The following C10orf90 variants were observed in gnomAD, a reference collection of about 807,000 sequenced individuals.
C10orf90 encodes the protein chromosome 10 open reading frame 90.
Under a neutral mutation model 62.5 loss-of-function variants are expected in C10orf90, and 56 were observed. That is an observed-to-expected ratio of 0.90 (90% CI 0.72 to 1.12). The LOEUF is 1.12. Among genes scored for constraint, C10orf90 ranks in the 50% most tolerant of loss-of-function variants. C10orf90 has a pLI of 0.00. For missense variants in C10orf90, 970 were observed against 880.4 expected, an observed-to-expected ratio of 1.10 and a Z score of -1.29; for synonymous variants, 386 against 340.4, an observed-to-expected ratio of 1.13 and a Z score of -1.47.
Position 126,503,954 on chromosome 10 carries a change from C to A in C10orf90, c.1534+3G>T. On this transcript the variant is annotated splice_donor_region_variant and intron_variant, in intron 4 of 9. Transcript: ENST00000488181. ...CCCTCCTGCAGATGGACGCACCACT[C>A]ACCTGCCCTGTAACTCCAGCCAGGA... The A allele has an allele frequency of 6.2e-7, 1 of 1,607,010 alleles. No individual in the cohort carries two copies. The highest frequency in any genetic ancestry group is 8.5e-7 in the Non-Finnish European group (1 of 1,176,936).
intron 1 of C10orf90, among the ~76,000 whole-genome samples, chr10:126,653,616 C>T (rs568593379): frequency 1.3e-5 from 2 of 152,282 alleles, no homozygotes; most frequent in East Asian, 1.9e-4. Context: ...TCAAAGTCAT[C>T]CATGAGGGTT....
intron 2 of C10orf90, among the ~76,000 whole-genome samples, chr10:126,642,679 C>T (rs1277694157): frequency 6.6e-6 from 1 of 152,200 alleles, no homozygotes; most frequent in African/African-American, 2.4e-5. Flanking sequence ...CTCAGCCATT[C>T]TCATGGTTTC....
chr10:126,628,274 TAAA>T (rs2133825666), intron 2 of C10orf90, among the ~76,000 whole-genome samples: 1 of 152,326 alleles, frequency 6.6e-6, no homozygotes, highest in Admixed American at 6.5e-5. Flanking sequence ...ATAGTGAATT[TAAA>T]ATGCCAAGGC....
At chr10:126,625,444 T>C (rs951840300) in intron 2 of C10orf90, among the ~76,000 whole-genome samples, 1 of 152,186 alleles carries the variant, frequency 6.6e-6, no homozygotes, top group Non-Finnish European at 1.5e-5. Context: ...ATATAGCAGG[T>C]GTTTAGCATC....
chr10:126,448,339 G>T (rs1218083170), intron 7 of C10orf90, among the ~76,000 whole-genome samples: 1 of 151,852 alleles, frequency 6.6e-6, no homozygotes, highest in Non-Finnish European at 1.5e-5. Context: ...AAACAAAAAT[G>T]GAAACACAAT....
intron 4 of C10orf90, among the ~76,000 whole-genome samples, chr10:126,499,148 T>C (rs558128247): frequency 6.6e-6 from 1 of 152,352 alleles, no homozygotes; most frequent in African/African-American, 2.4e-5. Flanking sequence ...TATGCATTGT[T>C]GATGGCTGAT....
At chr10:126,473,479 T>C (rs895267576) in intron 4 of C10orf90, among the ~76,000 whole-genome samples, 1 of 152,138 alleles carries the variant, frequency 6.6e-6, no homozygotes, top group Non-Finnish European at 1.5e-5. Flanking sequence ...GAACAGGTCT[T>C]GAGAGGAGAT....
At chr10:126,600,940 A>G (rs562373927) in intron 2 of C10orf90, among the ~76,000 whole-genome samples, 1 of 152,342 alleles carries the variant, frequency 6.6e-6, no homozygotes, top group African/African-American at 2.4e-5. Context: ...AAACAGCCCA[A>G]ATGTCCATTG....
chr10:126,610,929 A>G (rs928131465), intron 2 of C10orf90, among the ~76,000 whole-genome samples: 1 of 151,704 alleles, frequency 6.6e-6, no homozygotes, highest in African/African-American at 2.4e-5. Flanking sequence ...TCTATATTCT[A>G]TTTTTCTTTC....
chr10:126,461,263 C>T (rs1859954522), intron 6 of C10orf90, 138 bp downstream of exon 6: 1 of 952,778 alleles, frequency 1.0e-6, no homozygotes, highest in South Asian at 1.7e-5. Flanking sequence ...CTTAGGGGAC[C>T]TGCCCAGTCA....
chr10:126,473,389 C>T (rs372476065), intron 4 of C10orf90, among the ~76,000 whole-genome samples: 506 of 152,278 alleles, frequency 3.3e-3, no homozygotes, highest in South Asian at 0.013. Flanking sequence ...TGGCAATGGT[C>T]CTAGCTAAAA....
intron 2 of C10orf90, among the ~76,000 whole-genome samples, chr10:126,644,878 C>A (rs533027317): frequency 6.6e-6 from 1 of 152,338 alleles, no homozygotes; most frequent in South Asian, 2.1e-4. Context: ...TGGGAGCCTG[C>A]CTTTGCTGTT....
chr10:126,501,969 C>CCACA (rs149596544), intron 4 of C10orf90, among the ~76,000 whole-genome samples: 5 of 150,022 alleles, frequency 3.3e-5, no homozygotes, highest in Admixed American at 2.0e-4. Context: ...CACATATACA[C>CCACA]CACACACACA....
intron 4 of C10orf90, among the ~76,000 whole-genome samples, chr10:126,475,984 G>C (rs1302057204): frequency 6.6e-6 from 1 of 152,178 alleles, no homozygotes; most frequent in African/African-American, 2.4e-5. Context: ...GAAGCAGACA[G>C]GCTTACCTCG....
intron 2 of C10orf90, among the ~76,000 whole-genome samples, chr10:126,630,212 G>A (rs1488356370): frequency 6.6e-6 from 1 of 152,062 alleles, no homozygotes; most frequent in Non-Finnish European, 1.5e-5. Context: ...TGATGCCCTC[G>A]TACTTCACCA....
intron 1 of C10orf90, among the ~76,000 whole-genome samples, chr10:126,661,920 C>A (rs905866834): frequency 1.4e-4 from 21 of 151,984 alleles, no homozygotes; most frequent in Non-Finnish European, 2.1e-4. Context: ...TTTAATAGAT[C>A]ATTGCTTGCT....
intron 2 of C10orf90, among the ~76,000 whole-genome samples, chr10:126,593,391 A>G (rs940919217): frequency 6.6e-6 from 1 of 152,222 alleles, no homozygotes; most frequent in African/African-American, 2.4e-5. Context: ...TTGCAGGGAC[A>G]TGGATGGAGC....
At chr10:126,667,179 C>T (rs1168213885) in intron 1 of C10orf90, among the ~76,000 whole-genome samples, 5 of 151,708 alleles carry the variant, frequency 3.3e-5, no homozygotes, top group Non-Finnish European at 7.4e-5. Context: ...CTGCCTCAGC[C>T]TCCCGAGTAG....
intron 2 of C10orf90, among the ~76,000 whole-genome samples, chr10:126,577,420 AT>A (rs1345304061): frequency 2.6e-5 from 4 of 151,996 alleles, no homozygotes; most frequent in Admixed American, 2.6e-4. Flanking sequence ...CAAAAAAAAA[AT>A]CTTATTTTAA....
Sources: gnomAD v4.1 joint callset for allele counts (sites outside exome capture counted in the v4.1 genomes callset) on GRCh38, gnomAD v4.1.1 for gene constraint, MANE v1.5 for transcripts, NCBI Gene and HGNC (gene_info 2026-07-23, HGNC 2026-07-21) for gene names.